The following FHIT variants were observed in gnomAD, a reference collection of about 807,000 sequenced individuals.
FHIT encodes fragile histidine triad diadenosine triphosphatase.
Under a neutral mutation model 17.9 loss-of-function variants are expected in FHIT, and 19 were observed. The observed-to-expected ratio is 1.06, with a 90% CI of 0.74 to 1.56. The LOEUF (loss-of-function observed/expected upper bound fraction) is 1.56. Ranked by LOEUF, FHIT falls within the 40% of genes most tolerant of loss-of-function variation. FHIT has a pLI of 0.00. For synonymous variants in FHIT, 81 were observed against 69.7 expected (o/e 1.16, Z -0.81); for missense variants, 248 against 189.2 (o/e 1.31, Z -1.82).
chr3:59,831,680 C>T (rs1256040252), intron 8 of FHIT, among the ~76,000 whole-genome samples: 1 of 152,108 alleles, frequency 6.6e-6, no homozygotes, highest in Admixed American at 6.6e-5. Context: ...TAGGTAACTA[C>T]AACTCCAAAG....
chr3:61,138,259 G>A (rs1292111463), intron 2 of FHIT, among the ~76,000 whole-genome samples: 1 of 152,226 alleles, frequency 6.6e-6, no homozygotes, highest in Non-Finnish European at 1.5e-5. Context: ...TGAGTCAGCT[G>A]TGGATCTTTG....
intron 5 of FHIT, among the ~76,000 whole-genome samples, chr3:60,264,386 A>G (rs1706465010): frequency 0.018 from 1 of 56 alleles, no homozygotes; most frequent in Non-Finnish European, 0.045. Context: ...ATTACATATA[A>G]CAAGGACCAG....
intron 8 of FHIT, among the ~76,000 whole-genome samples, chr3:59,880,611 T>G (rs936160066): frequency 1.3e-5 from 2 of 152,160 alleles, no homozygotes; most frequent in African/African-American, 4.8e-5. Context: ...GGTCCCTCAT[T>G]TGTAAAACAG....
chr3:59,994,945 A>G (rs968958053), intron 7 of FHIT, among the ~76,000 whole-genome samples: 3 of 152,058 alleles, frequency 2.0e-5, no homozygotes, highest in Admixed American at 2.0e-4. Flanking sequence ...TTGCCTAACA[A>G]ATGTTCTTGT....
rs371669436 is a variant in FHIT, at chr3:60,156,543, G to A, written c.104-142391C>T. The stretch of plus-strand genomic sequence containing the variant: ...GCGGAAGAATCACTAGAGCCCAGGA[G>A]TTCAAGAACAACCTAGGCAACATAG... On this transcript the variant is annotated intron_variant, in intron 5 of 9. Transcript: ENST00000492590. 1.4e-4 allele frequency among the ~76,000 whole-genome samples: 22 copies of A among 152,014 alleles called. 1 individual carries two copies. Among genetic ancestry groups the A allele is most frequent in the East Asian group, 1.2e-3 (6 of 5,166 alleles).
intron 8 of FHIT, among the ~76,000 whole-genome samples, chr3:59,913,509 G>C (rs1704983748): frequency 6.6e-6 from 1 of 152,024 alleles, no homozygotes; most frequent in Admixed American, 6.6e-5. Context: ...TGATATGCTT[G>C]GCACCTAGCA....
intron 8 of FHIT, among the ~76,000 whole-genome samples, chr3:59,770,849 C>A (rs952664057): frequency 1.3e-5 from 2 of 152,174 alleles, no homozygotes; most frequent in Non-Finnish European, 2.9e-5. Context: ...CCATGCTCAA[C>A]CCTTGACCTC....
intron 5 of FHIT, among the ~76,000 whole-genome samples, chr3:60,531,089 T>A (rs1249301183): frequency 1.3e-5 from 2 of 152,164 alleles, no homozygotes; most frequent in East Asian, 3.9e-4. Flanking sequence ...TGGACAGCAA[T>A]ATTGTCTTTG....
At chr3:60,359,277 CTTT>C (rs71089599) in intron 5 of FHIT, among the ~76,000 whole-genome samples, 419 of 109,896 alleles carry the variant, frequency 3.8e-3, no homozygotes, top group African/African-American at 0.014. Context: ...ATGAAAATAT[CTTT>C]TTTTTTTTTT....
At position 60,758,645 on chromosome 3, in the gene FHIT, T is replaced by C. The variant is rs146902121; in HGVS notation, c.-18+63274A>G. Among the ~76,000 whole-genome samples, 126 of 152,352 alleles carry C rather than the reference T, an allele frequency of 8.3e-4. 3 individuals carry two copies. In the East Asian group the frequency reaches 0.023, roughly 27 times the overall value. ...TTGATTTCAGGCCAATTGTTAGAGC[T>C]GTCGCTTAAAAATTTAGATGTACAT... On this transcript the variant is annotated intron_variant, in intron 4 of 9. Transcript: ENST00000492590.
chr3:60,816,144 C>T (rs782555386), intron 4 of FHIT, among the ~76,000 whole-genome samples: 5 of 151,836 alleles, frequency 3.3e-5, no homozygotes, highest in African/African-American at 4.8e-5. Context: ...CTTTTGGTGG[C>T]GTCTTTGAGT....
chr3:61,114,130 G>A (rs151112547), intron 2 of FHIT, among the ~76,000 whole-genome samples: 6 of 152,196 alleles, frequency 3.9e-5, no homozygotes, highest in African/African-American at 1.4e-4. Flanking sequence ...TCTTTCCTCA[G>A]GGTCCCTTTC....
chr3:60,117,095 G>A (rs1704998960), intron 5 of FHIT, among the ~76,000 whole-genome samples: 1 of 151,964 alleles, frequency 6.6e-6, no homozygotes, highest in Admixed American at 6.6e-5. Flanking sequence ...AATTGTACAG[G>A]CTTACTGGAT....
chr3:60,320,171 G>A (rs558763287), intron 5 of FHIT, among the ~76,000 whole-genome samples: 4 of 152,026 alleles, frequency 2.6e-5, no homozygotes, highest in East Asian at 1.9e-4. Flanking sequence ...ACACTCTTAC[G>A]TTGTTTATGT....
intron 5 of FHIT, among the ~76,000 whole-genome samples, chr3:60,048,671 C>T (rs1701753047): frequency 6.6e-6 from 1 of 152,068 alleles, no homozygotes; most frequent in African/African-American, 2.4e-5. Flanking sequence ...TTGTATAGGG[C>T]CTTATTTTGG....
chr3:60,227,678 G>T (rs554991864), intron 5 of FHIT, among the ~76,000 whole-genome samples: 5 of 152,058 alleles, frequency 3.3e-5, no homozygotes, highest in Admixed American at 6.5e-5. Context: ...TTTTTACAAG[G>T]CCATTGGATA....
At chr3:61,220,070 C>G (rs1236903978) in intron 1 of FHIT, among the ~76,000 whole-genome samples, 4 of 148,206 alleles carry the variant, frequency 2.7e-5, no homozygotes, top group Non-Finnish European at 6.0e-5. Flanking sequence ...AAGTCTTTAA[C>G]AATTATTTAC....
At chr3:60,436,258 C>T in intron 5 of FHIT, among the ~76,000 whole-genome samples, 1 of 151,970 alleles carries the variant, frequency 6.6e-6, no homozygotes, top group Admixed American at 6.6e-5. Flanking sequence ...CCATGTTGGC[C>T]AGGATGGTCT....
chr3:61,012,633 G>A (rs1008497259), intron 3 of FHIT, among the ~76,000 whole-genome samples: 2 of 151,462 alleles, frequency 1.3e-5, no homozygotes, highest in African/African-American at 2.4e-5. Context: ...ATCAAAAAAA[G>A]CCCTGACAAT....
Sources: allele counts gnomAD v4.1 joint callset (sites outside exome capture counted in the v4.1 genomes callset), GRCh38; gene constraint gnomAD v4.1.1; transcripts MANE v1.5; gene names NCBI Gene and HGNC (gene_info 2026-07-23, HGNC 2026-07-21).